The following CIRBP variants were observed in gnomAD, a reference collection of about 807,000 sequenced individuals.
The protein encoded by CIRBP is cold-inducible RNA-binding protein.
A neutral mutation model predicts 22.3 loss-of-function variants in CIRBP; 11 were observed. The observed-to-expected ratio is 0.49, with a 90% confidence interval of 0.31 to 0.82. The LOEUF (loss-of-function observed/expected upper bound fraction) is 0.82, where lower values mean the gene tolerates loss of function less well. CIRBP is among the 40% of genes least tolerant of loss of function. The probability of loss-of-function intolerance (pLI) is 0.05; values close to 1 mark genes in which losing one functional copy is unlikely to be tolerated. For missense variants in CIRBP, 456 were observed against 402.7 expected, an observed-to-expected ratio of 1.13 and a Z score of -1.13; for synonymous variants, 216 against 158.8, an observed-to-expected ratio of 1.36 and a Z score of -2.71.
rs1275865725 is a variant in CIRBP at position 1,274,423 on chromosome 19, C to A, written c.*1980C>A. On this transcript the variant is annotated 3_prime_UTR_variant, in exon 6 of 6. Transcript: ENST00000587896. ...ACAAGAGCTGGAGGCAGCCGCTTGCCCAGGAGGCTTGTCCCCTGTAAGTGC... is the reference window on the plus strand; with the variant it reads ...ACAAGAGCTGGAGGCAGCCGCTTGCACAGGAGGCTTGTCCCCTGTAAGTGC... 14 of 399,670 alleles carry A rather than the reference C, an allele frequency of 3.5e-5. No homozygotes were observed. The highest frequency in any genetic ancestry group is 6.2e-5 in the African/African-American group (3 of 48,688). 24.8% of individuals were successfully genotyped at this position (399,670 alleles called of 1,614,324 possible). A position where few individuals can be genotyped will look rare whatever the true frequency, so the allele number is the denominator to read the frequency against.
chr19:1,272,334 C>A lies in CIRBP; in HGVS notation c.785C>A (p.Pro262His), dbSNP rs769326208. The A allele has an allele frequency of 1.2e-6, 2 of 1,613,658 alleles. No individual in the cohort carries two copies. Among genetic ancestry groups the A allele is most frequent in the Non-Finnish European group, 1.7e-6 (2 of 1,179,820 alleles). Residue 262 changes from proline to histidine, a missense_variant, in exon 6 of 6, where the codon CCC becomes CAC. By Grantham distance (77) the Pro-to-His change is moderately conservative. This residue lies in a region of CIRBP where 426 missense variants were observed against 339.6 expected (regional missense o/e 1.25). Coordinates refer to ENST00000587896, the MANE Select transcript of CIRBP (RefSeq NM_001300829.2). Reference sequence around the variant, plus strand: ...CTCGGCTGTGGGGGGTGGTTGCTCCCCGGCCGCAGGCCGCGCCCTGGTCTG... The same window carrying A: ...CTCGGCTGTGGGGGGTGGTTGCTCCACGGCCGCAGGCCGCGCCCTGGTCTG... ...ASLGCGGWLLPGRRPRPGLAS... is the reference protein window; with the variant it reads ...ASLGCGGWLLHGRRPRPGLAS...
At position 1,271,565 on chromosome 19, in the gene CIRBP, G is replaced by C; in HGVS notation, c.364G>C (p.Gly122Arg). The C allele has an allele frequency of 6.3e-7, 1 of 1,583,470 alleles. No homozygotes were observed. The highest frequency in any genetic ancestry group is 8.6e-7 in the Non-Finnish European group (1 of 1,166,058). Residue 122 changes from glycine to arginine, a missense_variant, in exon 5 of 6, where the codon GGC becomes CGC. Around this residue, in one of 2 missense-constraint regions of CIRBP, gnomAD observed 426 missense variants for 339.6 expected, o/e 1.25. Transcript: ENST00000587896. ...RGFSRGGGDR[G>R]YGGNRFESRS... is the part of the protein sequence containing the mutation. ...TGTATGTGCAGGAGGAGGGGACCGA[G>C]GCTATGGGGGGAACCGGTTCGAGTC... is the stretch of plus-strand genomic sequence containing the variant.
At chr19:1,269,839 C>G (rs2081305439) in intron 1 of CIRBP, 1 of 519,332 alleles carries the variant, frequency 1.9e-6, no homozygotes, top group African/African-American at 1.9e-5. Context: ...CCTTAGTTTC[C>G]TCCTTTTCCC....
chr19:1,272,824 A>G lies in CIRBP; in HGVS notation c.*381A>G, dbSNP rs539486657. On this transcript the variant is annotated 3_prime_UTR_variant, in exon 6 of 6. Coordinates refer to ENST00000587896, the MANE Select transcript of CIRBP (RefSeq NM_001300829.2). Reference sequence around the variant, plus strand: ...GCCCCATGAAGTGGGTGCCCCACTCACTTCTCTGAGATCGAACGGACTGTG... The same window carrying G: ...GCCCCATGAAGTGGGTGCCCCACTCGCTTCTCTGAGATCGAACGGACTGTG... 7 of 167,528 alleles carry G rather than the reference A, an allele frequency of 4.2e-5. No individual in the cohort carries two copies. Among genetic ancestry groups the G allele is most frequent in the Non-Finnish European group, 7.6e-5 (6 of 78,478 alleles). 10.4% of individuals were successfully genotyped at this position (167,528 alleles called of 1,614,324 possible). A position where few individuals can be genotyped will look rare whatever the true frequency, so the allele number is the denominator to read the frequency against.
Position 1,272,110 on chromosome 19 carries a change from C to T in CIRBP, c.561C>T (p.Thr187=), listed in dbSNP as rs564576371. ...GGCCTGCGGTGGGAGCTCGGTTCAC[C>T]TTGGTGCCCTCTCCAAGCACTTTAG... is the stretch of plus-strand genomic sequence containing the variant. The part of the protein sequence containing the change: ...LLWPAVGARF[T]LVPSPSTLGW... The change falls in exon 6 of 6, where the codon ACC becomes ACT. Residue 187 remains threonine (T), a synonymous_variant. Transcript: ENST00000587896. The T allele has an allele frequency of 5.0e-6, 8 of 1,613,910 alleles. No individual in the cohort carries two copies. The highest frequency in any genetic ancestry group is 4.0e-5 in the African/African-American group (3 of 75,054).
Position 1,272,892 on chromosome 19 carries a change from C to T in CIRBP, c.*449C>T, listed in dbSNP as rs962772990. 1 of 159,856 alleles carries T rather than the reference C, an allele frequency of 6.3e-6. No homozygotes were observed. The highest frequency in any genetic ancestry group is 1.4e-5 in the Non-Finnish European group (1 of 72,724). 9.9% of individuals were successfully genotyped at this position (159,856 alleles called of 1,614,324 possible). A position where few individuals can be genotyped will look rare whatever the true frequency, so the allele number is the denominator to read the frequency against. ...AAGCTGAGCAAGCTGTGGCTTTTTT[C>T]CAACTCCGTGTGACGTTTCTGAGTG... On this transcript the variant is annotated 3_prime_UTR_variant, in exon 6 of 6. Transcript: ENST00000587896.
intron 2 of CIRBP, 49 bp from the exon 3 acceptor site, chr19:1,271,091 C>T (rs369659806): frequency 3.3e-5 from 53 of 1,610,228 alleles, no homozygotes; most frequent in African/African-American, 4.0e-5. Context: ...GCTCCTCCTA[C>T]CTGGAAGTAC....
chr19:1,271,282 G>C lies in CIRBP; in HGVS notation c.210+36G>C, dbSNP rs766679413. 16 of 1,613,922 alleles carry C rather than the reference G, an allele frequency of 9.9e-6. No individual in the cohort carries two copies. In the South Asian group the frequency reaches 1.8e-4, roughly 18 times the overall value. On this transcript the variant is annotated intron_variant, in intron 3 of 5. Transcript: ENST00000587896. ...GGGTGCTGAGCAGGAGTCCCGTCTC[G>C]AGGATGGGGCACCCACCTGCTAACC...
intron 1 of CIRBP, 33 bp from the exon 2 acceptor site, chr19:1,270,895 C>T (rs531528676): frequency 1.4e-6 from 2 of 1,384,650 alleles, no homozygotes; most frequent in South Asian, 1.2e-5. Context: ...GAGAGATGAC[C>T]CCTGTTGAGG....
In CIRBP at chr19:1,273,567, T is replaced by C. The variant is rs1488054101; in HGVS notation, c.*1124T>C. On this transcript the variant is annotated 3_prime_UTR_variant, in exon 6 of 6. Transcript: ENST00000587896. ...CGGCCAGCCGGTTAGCTAGTTCTGC[T>C]GTTGCTTCACGAGTTCTGAGCATTC... The C allele has an allele frequency of 6.6e-6, 1 of 152,302 alleles. No homozygotes were observed. The highest frequency in any genetic ancestry group is 1.5e-5 in the Non-Finnish European group (1 of 68,090). 9.4% of individuals were successfully genotyped at this position (152,302 alleles called of 1,614,324 possible).
At chr19:1,269,747 A>C (rs1020136475) in intron 1 of CIRBP, 8 of 394,858 alleles carry the variant, frequency 2.0e-5, no homozygotes, top group East Asian at 1.3e-4. Flanking sequence ...GGGCGGGGCC[A>C]CGTGGCGCCC....
chr19:1,272,100 C>G lies in CIRBP; in HGVS notation c.551C>G (p.Ala184Gly). 1 of 1,614,016 alleles carries G rather than the reference C, an allele frequency of 6.2e-7. No homozygotes were observed. The highest frequency in any genetic ancestry group is 8.5e-7 in the Non-Finnish European group (1 of 1,180,020). Reference protein sequence around the residue: ...GATLLWPAVGARFTLVPSPST... With the variant: ...GATLLWPAVGGRFTLVPSPST... The stretch of plus-strand genomic sequence containing the variant: ...ACGCTGCTGTGGCCTGCGGTGGGAG[C>G]TCGGTTCACCTTGGTGCCCTCTCCA... The change falls in exon 6 of 6, where the codon GCT becomes GGT. Residue 184 changes from alanine (A) to glycine (G), a missense_variant. Ala to Gly is a moderately conservative substitution (Grantham distance 60). Around this residue, in one of 2 missense-constraint regions of CIRBP, gnomAD observed 426 missense variants for 339.6 expected, o/e 1.25. Transcript: ENST00000587896.
chr19:1,274,818 CTG>C (rs2081396060), downstream of CIRBP: 1 of 152,842 alleles, frequency 6.5e-6, no homozygotes, highest in Non-Finnish European at 1.5e-5. Context: ...AAAGCCGAGT[CTG>C]TGGTTCAGGG....
chr19:1,269,698 T>A (rs1046448446), intron 1 of CIRBP: 13 of 335,768 alleles, frequency 3.9e-5, no homozygotes, highest in Non-Finnish European at 7.6e-5. Context: ...CCGGATGGAG[T>A]GGCGCAGGGT....
chr19:1,270,191 C>G (rs935113261), intron 1 of CIRBP: 1 of 470,520 alleles, frequency 2.1e-6, no homozygotes, highest in African/African-American at 2.0e-5. Context: ...AGTACCTGCC[C>G]TGAGGTGCCC....
At position 1,271,447 on chromosome 19, in the gene CIRBP, G is replaced by A. The variant is rs1254601163; in HGVS notation, c.329G>A (p.Arg110Gln). 5.6e-6 allele frequency: 9 copies of A among 1,610,638 alleles called. No individual in the cohort carries two copies. Among genetic ancestry groups the A allele is most frequent in the African/African-American group, 4.0e-5 (3 of 74,918 alleles). Residue 110 changes from arginine to glutamine, a missense_variant, in exon 4 of 6, where the codon CGG becomes CAG. Arg to Gln is a conservative substitution (Grantham distance 43). Around this residue, in one of 2 missense-constraint regions of CIRBP, gnomAD observed 426 missense variants for 339.6 expected, o/e 1.25. Coordinates refer to ENST00000587896, the MANE Select transcript of CIRBP (RefSeq NM_001300829.2). ...GRGFFRGGRG[R>Q]GRGFSRGGGD... is the part of the protein sequence containing the mutation. Reference sequence around the variant, plus strand: ...GGCTTCTTCCGTGGGGGCCGAGGACGGGGCCGTGGGTTCTCTAGAGGTGAG... The same window carrying A: ...GGCTTCTTCCGTGGGGGCCGAGGACAGGGCCGTGGGTTCTCTAGAGGTGAG...
intron 5 of CIRBP, 38 bp from the exon 6 acceptor site, chr19:1,271,943 G>A (rs773096473): frequency 1.3e-5 from 21 of 1,558,292 alleles, no homozygotes; most frequent in East Asian, 2.3e-5. Context: ...AGAAGTAGAC[G>A]GGTACCTTCC....
chr19:1,271,389 C>G lies in CIRBP; in HGVS notation c.271C>G (p.Arg91Gly). ...AGGCAAGTCGTCAGACAACCGATCC[C>G]GTGGGTACCGTGGTGGCTCTGCCGG... ...QAGKSSDNRSRGYRGGSAGGR... is the reference protein window; with the variant it reads ...QAGKSSDNRSGGYRGGSAGGR... The change falls in exon 4 of 6, where the codon CGT becomes GGT. Residue 91 changes from arginine to glycine, a missense_variant. Physicochemically the swap from Arg to Gly is moderately radical, Grantham distance 125. This residue lies in a region of CIRBP where 426 missense variants were observed against 339.6 expected (regional missense o/e 1.25). Transcript: ENST00000587896. The G allele has an allele frequency of 6.2e-7, 1 of 1,613,840 alleles. No homozygotes were observed. Among genetic ancestry groups the G allele is most frequent in the Non-Finnish European group, 8.5e-7 (1 of 1,180,006 alleles).
At position 1,273,583 on chromosome 19, in the gene CIRBP, C is replaced by T. The variant is rs1180095074; in HGVS notation, c.*1140C>T. 1 of 152,238 alleles carries T rather than the reference C, an allele frequency of 6.6e-6. No individual in the cohort carries two copies. The highest frequency in any genetic ancestry group is 1.5e-5 in the Non-Finnish European group (1 of 68,054). 9.4% of individuals were successfully genotyped at this position (152,238 alleles called of 1,614,324 possible). A position where few individuals can be genotyped will look rare whatever the true frequency, so the allele number is the denominator to read the frequency against. On this transcript the variant is annotated 3_prime_UTR_variant, in exon 6 of 6. Coordinates refer to ENST00000587896, the MANE Select transcript of CIRBP (RefSeq NM_001300829.2). ...TAGTTCTGCTGTTGCTTCACGAGTT[C>T]TGAGCATTCTCTGCTAGCCTATGGA...
Sources: allele counts gnomAD v4.1 joint callset, GRCh38; gene constraint gnomAD v4.1.1; regional missense constraint gnomAD v4.1.1; transcripts MANE v1.5; gene names NCBI Gene and HGNC (gene_info 2026-07-23, HGNC 2026-07-21).